The following RAPGEF1 variants were observed in gnomAD, a reference collection of about 807,000 sequenced individuals.
RAPGEF1 encodes the protein CRK SH3-binding GNRP.
In RAPGEF1, 33 loss-of-function variants were observed where a neutral mutation model predicts 143.3. The ratio of observed to expected loss-of-function variants is 0.23; its 90% CI spans 0.17 to 0.31. RAPGEF1 has a LOEUF of 0.31. Ranked by LOEUF, RAPGEF1 falls within the 10% of genes least tolerant of loss-of-function variation. The probability of loss-of-function intolerance (pLI) is 1.00; values close to 1 mark genes in which losing one functional copy is unlikely to be tolerated. For synonymous variants in RAPGEF1, 629 were observed against 676.5 expected, an observed-to-expected ratio of 0.93 and a Z score of 1.09; for missense variants, 1,199 against 1,645.4, an observed-to-expected ratio of 0.73 and a Z score of 4.69.
rs1317617081 is a variant in RAPGEF1, at chr9:131,621,169, G to A, written c.1905+627C>T. Among the ~76,000 whole-genome samples the A allele has an allele frequency of 1.3e-5, 2 of 152,240 alleles. No individual in the cohort carries two copies. Among genetic ancestry groups the A allele is most frequent in the Non-Finnish European group, 2.9e-5 (2 of 68,040 alleles). On this transcript the variant is annotated intron_variant, in intron 11 of 26. Coordinates refer to ENST00000683357, the MANE Select transcript of RAPGEF1 (RefSeq NM_001377935.1). This position sits in a 1 kb window ranked among gnomAD's most constrained non-coding sequence, Gnocchi z 4.5. ...TTCCAGAGCCTCATGGGGTGCCCAC[G>A]GTGGAACAGCTTGCCTTCTGTGCTG...
intron 1 of RAPGEF1, among the ~76,000 whole-genome samples, chr9:131,662,039 T>G (rs1333544309): frequency 6.6e-6 from 1 of 152,218 alleles, no homozygotes; most frequent in African/African-American, 2.4e-5. Context: ...TAATAGTATC[T>G]GTCTCATGAG....
chr9:131,707,972 A>T (rs548966440), intron 1 of RAPGEF1, among the ~76,000 whole-genome samples: 1 of 152,092 alleles, frequency 6.6e-6, no homozygotes, highest in Admixed American at 6.6e-5. Flanking sequence ...ACTGTCCCCC[A>T]ATGTCTTTAA....
chr9:131,628,984 C>T lies in RAPGEF1; in HGVS notation c.893+118G>A. The stretch of plus-strand genomic sequence containing the variant: ...GGCGGGGTGGGGACAGCTCCAGAGT[C>T]AGCCTCCCAAGGGGGGCCAAGCCCT... On this transcript the variant is annotated intron_variant, in intron 7 of 26. Coordinates refer to ENST00000683357, the MANE Select transcript of RAPGEF1 (RefSeq NM_001377935.1). This position sits in a 1 kb window ranked among gnomAD's most constrained non-coding sequence, Gnocchi z 5.7. The T allele has an allele frequency of 7.4e-7, 1 of 1,352,774 alleles. No individual in the cohort carries two copies. The highest frequency in any genetic ancestry group is 9.9e-7 in the Non-Finnish European group (1 of 1,012,340). The allele number at this position is 1,352,774 out of a possible 1,614,324, so 83.8% of individuals were successfully genotyped here.
chr9:131,643,536 C>T (rs1305174370), intron 3 of RAPGEF1, 119 bp from the exon 4 acceptor site: 4 of 964,440 alleles, frequency 4.1e-6, no homozygotes, highest in Non-Finnish European at 6.0e-6. Flanking sequence ...AAGGCTCTTG[C>T]TACAGAAACC....
chr9:131,619,109 A>G lies in RAPGEF1; in HGVS notation c.2003T>C (p.Leu668Pro), dbSNP rs1409692815. 7.4e-7 allele frequency: 1 copy of G among 1,351,528 alleles called. No individual in the cohort carries two copies. Among genetic ancestry groups the G allele is most frequent in the African/African-American group, 1.5e-5 (1 of 67,416 alleles). 83.7% of individuals were successfully genotyped at this position (1,351,528 alleles called of 1,614,324 possible). A position where few individuals can be genotyped will look rare whatever the true frequency, so the allele number is the denominator to read the frequency against. Residue 668 changes from leucine to proline, a missense_variant, in exon 12 of 27, where the codon CTC (leucine) becomes CCC (proline). Transcript: ENST00000683357. ...AAAGGAGTTAGAGACGGACACACTG[A>G]GGCCCTGAGCGGCACTGCCGTCCTC... ...TPEDGSAAQGLSVSVSNSFLS... is the reference protein window; with the variant it reads ...TPEDGSAAQGPSVSVSNSFLS...
intron 5 of RAPGEF1, among the ~76,000 whole-genome samples, chr9:131,631,751 C>A (rs905448701): frequency 1.3e-5 from 2 of 152,182 alleles, no homozygotes; most frequent in Admixed American, 6.5e-5. Context: ...TCCTTTCCAG[C>A]GCAAGGGTTC....
intron 1 of RAPGEF1, among the ~76,000 whole-genome samples, chr9:131,676,965 C>G (rs1294275759): frequency 6.6e-6 from 1 of 152,226 alleles, no homozygotes; most frequent in Non-Finnish European, 1.5e-5. Context: ...AACAAGCTCT[C>G]CAGGTGATTC....
At chr9:131,700,378 C>G (rs1235261791) in intron 1 of RAPGEF1, among the ~76,000 whole-genome samples, 1 of 152,192 alleles carries the variant, frequency 6.6e-6, no homozygotes, top group African/African-American at 2.4e-5. Context: ...AACTAACAAC[C>G]CTCTTCCCCT....
chr9:131,721,200 C>T (rs1205811466), intron 1 of RAPGEF1, among the ~76,000 whole-genome samples: 1 of 152,048 alleles, frequency 6.6e-6, no homozygotes, highest in Non-Finnish European at 1.5e-5. Flanking sequence ...TTGTGGAACG[C>T]GATAGATGTT....
intron 1 of RAPGEF1, among the ~76,000 whole-genome samples, chr9:131,719,059 C>T (rs557004484): frequency 6.6e-6 from 1 of 152,098 alleles, no homozygotes; most frequent in Non-Finnish European, 1.5e-5. Context: ...GACTTGAACT[C>T]CTGGGTTCAA....
chr9:131,738,719 C>A (rs1392351509), intron 1 of RAPGEF1, among the ~76,000 whole-genome samples: 1 of 152,178 alleles, frequency 6.6e-6, no homozygotes, highest in Non-Finnish European at 1.5e-5. Context: ...AGTAAACCCT[C>A]AATAAAGCCT....
Position 131,579,406 on chromosome 9 carries a change from T to C in RAPGEF1, c.*91A>G. 1.3e-6 allele frequency: 2 copies of C among 1,499,910 alleles called. No individual in the cohort carries two copies. The highest frequency in any genetic ancestry group is 2.3e-5 in the East Asian group (1 of 43,710). 92.9% of individuals were successfully genotyped at this position (1,499,910 alleles called of 1,614,324 possible). On this transcript the variant is annotated 3_prime_UTR_variant, in exon 27 of 27. Coordinates refer to ENST00000683357, the MANE Select transcript of RAPGEF1 (RefSeq NM_001377935.1). ...CTCATGGCTCCGAGGCCGGGACTCC[T>C]GCCATGCGCCTAACAGGTCCAAGGT...
rs1305933243 is a variant in RAPGEF1, at chr9:131,628,994, A to C, written c.893+108T>G. 1 of 1,414,424 alleles carries C rather than the reference A, an allele frequency of 7.1e-7. No homozygotes were observed. Among genetic ancestry groups the C allele is most frequent in the African/African-American group, 1.4e-5 (1 of 69,584 alleles). 87.6% of individuals were successfully genotyped at this position (1,414,424 alleles called of 1,614,324 possible). A position where few individuals can be genotyped will look rare whatever the true frequency, so the allele number is the denominator to read the frequency against. On this transcript the variant is annotated intron_variant, in intron 7 of 26. Transcript: ENST00000683357. The surrounding 1 kb of genome is among the most constrained non-coding windows in gnomAD (Gnocchi z 5.7). ...GGACAGCTCCAGAGTCAGCCTCCCAAGGGGGGCCAAGCCCTCAGCGCTGAG... is the reference window on the plus strand; with the variant it reads ...GGACAGCTCCAGAGTCAGCCTCCCACGGGGGGCCAAGCCCTCAGCGCTGAG...
chr9:131,635,903 C>A (rs1029418616), intron 5 of RAPGEF1, among the ~76,000 whole-genome samples: 2 of 152,128 alleles, frequency 1.3e-5, no homozygotes, highest in Non-Finnish European at 2.9e-5. Context: ...CAAAAAGCAC[C>A]CCATAAATGT....
Position 131,653,173 on chromosome 9 carries a change from G to T in RAPGEF1, c.62-2224C>A, listed in dbSNP as rs1344949205. 2.6e-5 allele frequency among the ~76,000 whole-genome samples: 4 copies of T among 152,160 alleles called. No homozygotes were observed. The East Asian group carries it at 7.7e-4, about 29-fold the overall frequency. ...GGGGATCAAAATCCACGATGCTCAA[G>T]TCCCTTATATAAAACAGTGGAATAT... On this transcript the variant is annotated intron_variant, in intron 1 of 26. Coordinates refer to ENST00000683357, the MANE Select transcript of RAPGEF1 (RefSeq NM_001377935.1).
rs917591236 is a variant in RAPGEF1 at position 131,628,209 on chromosome 9, T to C, written c.1018-113A>G. ...GAGAAGGAAATACTGCCAGGCGAAC[T>C]CAGAAACCACCTCTGACGTCAGTAG... On this transcript the variant is annotated intron_variant, in intron 8 of 26. Coordinates refer to ENST00000683357, the MANE Select transcript of RAPGEF1 (RefSeq NM_001377935.1). The surrounding 1 kb of genome is among the most constrained non-coding windows in gnomAD (Gnocchi z 5.7). 5 of 1,022,386 alleles carry C rather than the reference T, an allele frequency of 4.9e-6. No homozygotes were observed. Among genetic ancestry groups the C allele is most frequent in the Non-Finnish European group, 4.1e-6 (3 of 723,096 alleles). 63.3% of individuals were successfully genotyped at this position (1,022,386 alleles called of 1,614,324 possible).
At position 131,587,139 on chromosome 9, in the gene RAPGEF1, A is replaced by AACAC. The variant is rs763365306; in HGVS notation, c.3233+593_3233+596dup. Among the ~76,000 whole-genome samples, 36 of 87,750 alleles carry AACAC rather than the reference A, an allele frequency of 4.1e-4. 1 individual carries two copies. Among genetic ancestry groups the AACAC allele is most frequent in the African/African-American group, 2.1e-3 (33 of 15,704 alleles). 57.6% of individuals were successfully genotyped at this position (87,750 alleles called of 152,430 possible). A position where few individuals can be genotyped will look rare whatever the true frequency, so the allele number is the denominator to read the frequency against. On this transcript the variant is annotated intron_variant, in intron 22 of 26. Coordinates refer to ENST00000683357, the MANE Select transcript of RAPGEF1 (RefSeq NM_001377935.1). Reference sequence around the variant, plus strand: ...ACCTGCAGAGCGAGACTCCGTCTCAAACACACACACACACACACACCTGCA... The same window carrying AACAC: ...ACCTGCAGAGCGAGACTCCGTCTCAAACACACACACACACACACACACACCTGCA...
Position 131,675,925 on chromosome 9 carries a change from T to G in RAPGEF1, c.62-24976A>C, listed in dbSNP as rs950454902. ...CAAAAACTCAGTCTTTTTTTTTTTT[T>G]TAATCTCGCCCTGTGGCCCAGGCTG... On this transcript the variant is annotated intron_variant, in intron 1 of 26. Coordinates refer to ENST00000683357, the MANE Select transcript of RAPGEF1 (RefSeq NM_001377935.1). The surrounding 1 kb of genome is among the most constrained non-coding windows in gnomAD (Gnocchi z 4.6). 1.3e-5 allele frequency among the ~76,000 whole-genome samples: 2 copies of G among 152,092 alleles called. No homozygotes were observed. Among genetic ancestry groups the G allele is most frequent in the African/African-American group, 4.8e-5 (2 of 41,400 alleles).
At chr9:131,721,412 A>C (rs1836255848) in intron 1 of RAPGEF1, among the ~76,000 whole-genome samples, 1 of 152,156 alleles carries the variant, frequency 6.6e-6, no homozygotes, top group Non-Finnish European at 1.5e-5. Flanking sequence ...AGAGGCTAGA[A>C]GAGAGGTGCA....
Sources: gnomAD v4.1 joint callset for allele counts (sites outside exome capture counted in the v4.1 genomes callset) on GRCh38, gnomAD v4.1.1 for gene constraint, Gnocchi (gnomAD v3.1) non-coding constraint, MANE v1.5 for transcripts, NCBI Gene and HGNC (gene_info 2026-07-23, HGNC 2026-07-21) for gene names.